Variants in EPB41 observed in about 807,000 individuals in gnomAD.
The protein encoded by EPB41 is erythrocyte membrane protein band 4.1.
In EPB41, 65 loss-of-function variants were observed where a neutral mutation model predicts 108.0. That is an observed-to-expected ratio of 0.60 (90% CI 0.49 to 0.74). The LOEUF (loss-of-function observed/expected upper bound fraction) is 0.74. Among genes scored for constraint, EPB41 ranks in the 30% least tolerant of loss-of-function variants. The pLI is 0.00. For synonymous variants in EPB41, 336 were observed against 358.9 expected (o/e 0.94, Z 0.72); for missense variants, 875 against 1,037.0 (o/e 0.84, Z 2.15).
intron 1 of EPB41, among the ~76,000 whole-genome samples, chr1:28,888,325 G>T (rs969447839): frequency 6.6e-6 from 1 of 152,200 alleles, no homozygotes; most frequent in Non-Finnish European, 1.5e-5. Flanking sequence ...GGGAGGGGCT[G>T]GGGAGGGGCC....
intron 16 of EPB41, among the ~76,000 whole-genome samples, chr1:29,079,707 A>C (rs1215169468): frequency 6.6e-6 from 1 of 152,118 alleles, no homozygotes; most frequent in Non-Finnish European, 1.5e-5. Flanking sequence ...GAAAGTAATA[A>C]TTAGTGGCTG....
At chr1:29,103,155 C>T (rs375764494) in intron 17 of EPB41, among the ~76,000 whole-genome samples, 4 of 152,090 alleles carry the variant, frequency 2.6e-5, no homozygotes, top group African/African-American at 9.7e-5. Flanking sequence ...GTAGTCAGCC[C>T]GCCTCGACCT....
chr1:28,937,305 C>A (rs1178862949), intron 1 of EPB41, among the ~76,000 whole-genome samples: 1 of 152,174 alleles, frequency 6.6e-6, no homozygotes, highest in African/African-American at 2.4e-5. Context: ...ATAGACTAAA[C>A]CTTTATCAGG....
At chr1:29,011,776 A>C in intron 4 of EPB41, 89 bp from the exon 5 acceptor site, 1 of 1,405,488 alleles carries the variant, frequency 7.1e-7, no homozygotes, top group East Asian at 2.3e-5. Context: ...TGGAGGCACT[A>C]TTTGAAGATA....
chr1:28,901,466 G>A (rs113868759), intron 1 of EPB41, among the ~76,000 whole-genome samples: 86 of 151,250 alleles, frequency 5.7e-4, no homozygotes, highest in African/African-American at 1.9e-3. Flanking sequence ...CTCATGATCC[G>A]CGAGCCTCAG....
chr1:28,971,259 C>T (rs1250291922), intron 1 of EPB41, among the ~76,000 whole-genome samples: 1 of 138,956 alleles, frequency 7.2e-6, no homozygotes, highest in African/African-American at 2.7e-5. Flanking sequence ...TCTTGGCTCA[C>T]TGCAACCTCT....
chr1:28,983,304 C>T (rs1183182561), intron 1 of EPB41, among the ~76,000 whole-genome samples: 2 of 152,134 alleles, frequency 1.3e-5, no homozygotes, highest in African/African-American at 2.4e-5. Flanking sequence ...TCAAGTATTT[C>T]CTGCTCTTCA....
At chr1:29,113,657 G>A (rs1054396593) in intron 19 of EPB41, among the ~76,000 whole-genome samples, 9 of 152,122 alleles carry the variant, frequency 5.9e-5, no homozygotes, top group African/African-American at 2.2e-4. Flanking sequence ...CGACCTAATT[G>A]GTTATATGTC....
intron 4 of EPB41, among the ~76,000 whole-genome samples, chr1:29,007,018 C>A (rs970651355): frequency 1.3e-5 from 2 of 151,730 alleles, no homozygotes; most frequent in African/African-American, 4.8e-5. Flanking sequence ...GGTAGGGTTT[C>A]TTTGGTTTCA....
chr1:28,998,313 T>G (rs2096229314), intron 4 of EPB41, among the ~76,000 whole-genome samples: 1 of 152,158 alleles, frequency 6.6e-6, no homozygotes, highest in African/African-American at 2.4e-5. Context: ...CCATCTAGCC[T>G]GGCTGAACAT....
intron 10 of EPB41, among the ~76,000 whole-genome samples, chr1:29,037,814 G>A (rs893624290): frequency 4.6e-5 from 7 of 152,114 alleles, no homozygotes; most frequent in African/African-American, 1.7e-4. Context: ...GATTACAGGC[G>A]TGAGCCACTG....
chr1:29,030,502 G>C lies in EPB41; in HGVS notation c.1212+15G>C, dbSNP rs751357069. ...ATAAAGCAAAGGTAATGATAACTTT[G>C]CCCTTTATTAATATGCATGTGGAAG... is the stretch of plus-strand genomic sequence containing the variant. On this transcript the variant is annotated intron_variant, in intron 8 of 20. Transcript: ENST00000343067. The C allele has an allele frequency of 1.5e-5, 24 of 1,594,732 alleles. No homozygotes were observed. Among genetic ancestry groups the C allele is most frequent in the Non-Finnish European group, 2.0e-5 (23 of 1,162,426 alleles).
intron 16 of EPB41, among the ~76,000 whole-genome samples, chr1:29,075,965 A>G (rs997241199): frequency 1.3e-5 from 2 of 152,178 alleles, no homozygotes; most frequent in Non-Finnish European, 2.9e-5. Flanking sequence ...ATCTCCTGAG[A>G]TAACATATTA....
intron 1 of EPB41, among the ~76,000 whole-genome samples, chr1:28,922,203 C>CAG (rs2093147569): frequency 1.3e-5 from 2 of 151,544 alleles, no homozygotes; most frequent in Admixed American, 6.6e-5. Flanking sequence ...CTCCTGACCT[C>CAG]CTGGTCCGCC....
chr1:28,947,947 T>C (rs545257730), intron 1 of EPB41, among the ~76,000 whole-genome samples: 1 of 152,350 alleles, frequency 6.6e-6, no homozygotes, highest in Non-Finnish European at 1.5e-5. Flanking sequence ...CTGACTAGAA[T>C]GCATTTTGGT....
intron 12 of EPB41, among the ~76,000 whole-genome samples, chr1:29,054,759 A>G (rs993044218): frequency 6.6e-6 from 1 of 152,176 alleles, no homozygotes; most frequent in Non-Finnish European, 1.5e-5. Context: ...CTGAGACAGA[A>G]GGATAGCTTG....
At chr1:29,082,794 A>G (rs1439330454) in intron 16 of EPB41, among the ~76,000 whole-genome samples, 1 of 152,166 alleles carries the variant, frequency 6.6e-6, no homozygotes, top group Non-Finnish European at 1.5e-5. Flanking sequence ...TCTATTACCT[A>G]ATAGTTAAAA....
rs913956069 is a variant in EPB41, at chr1:28,914,597, G to C, written c.-179G>C. ...GGGAAGGCGGGAGGGCGCGCGCCAG[G>C]GTCGCTCGCTCGCTCCCTCCCTCCG... is the stretch of plus-strand genomic sequence containing the variant. On this transcript the variant is annotated 5_prime_UTR_variant, in exon 1 of 21. Transcript: ENST00000343067. 2.0e-5 allele frequency: 3 copies of C among 151,966 alleles called. No homozygotes were observed. Among genetic ancestry groups the C allele is most frequent in the Non-Finnish European group, 4.4e-5 (3 of 67,954 alleles). 9.4% of individuals were successfully genotyped at this position (151,966 alleles called of 1,614,324 possible).
chr1:29,085,747 T>C (rs1055874341), intron 16 of EPB41, among the ~76,000 whole-genome samples: 1 of 152,122 alleles, frequency 6.6e-6, no homozygotes, highest in African/African-American at 2.4e-5. Flanking sequence ...AGATGGGGTC[T>C]TGCCATATTG....
Sources: gnomAD v4.1 joint callset for allele counts (sites outside exome capture counted in the v4.1 genomes callset) on GRCh38, gnomAD v4.1.1 for gene constraint, MANE v1.5 for transcripts, NCBI Gene and HGNC (gene_info 2026-07-23, HGNC 2026-07-21) for gene names.